SOX6: variants seen among roughly 807,000 people sequenced by gnomAD.
SOX6 encodes transcription factor SOX-6.
A neutral mutation model predicts 97.8 loss-of-function variants in SOX6; 11 were observed. The ratio of observed to expected loss-of-function variants is 0.11; its 90% CI spans 0.07 to 0.19. The LOEUF (loss-of-function observed/expected upper bound fraction) is 0.19, where lower values mean the gene tolerates loss of function less well. Among genes scored for constraint, SOX6 ranks in the 10% least tolerant of loss-of-function variants. The pLI is 1.00. For missense variants in SOX6, 810 were observed against 1,039.5 expected, an observed-to-expected ratio of 0.78 and a Z score of 3.04; for synonymous variants, 360 against 371.4, an observed-to-expected ratio of 0.97 and a Z score of 0.35.
chr11:16,234,357 A>G (rs546312455), intron 4 of SOX6, among the ~76,000 whole-genome samples: 1 of 152,304 alleles, frequency 6.6e-6, no homozygotes, highest in South Asian at 2.1e-4. Flanking sequence ...AGCATATCCT[A>G]TAAGTTATAT....
intron 1 of SOX6, among the ~76,000 whole-genome samples, chr11:16,344,789 T>TA (rs1856733058): frequency 1.3e-5 from 2 of 151,910 alleles, no homozygotes; most frequent in African/African-American, 4.8e-5. Flanking sequence ...TATTATAACT[T>TA]AAAAATCATT....
chr11:16,337,394 T>C (rs1441468112), intron 2 of SOX6, among the ~76,000 whole-genome samples: 1 of 152,122 alleles, frequency 6.6e-6, no homozygotes, highest in Non-Finnish European at 1.5e-5. Context: ...CACAATATCA[T>C]ATACAGGTCA....
intron 1 of SOX6, among the ~76,000 whole-genome samples, chr11:16,381,960 A>G (rs1857835546): frequency 6.6e-6 from 1 of 151,950 alleles, no homozygotes; most frequent in Non-Finnish European, 1.5e-5. Context: ...CACACATACA[A>G]TAGATGTTCT....
intron 12 of SOX6, among the ~76,000 whole-genome samples, chr11:16,040,269 T>C (rs1409122453): frequency 6.6e-6 from 1 of 152,058 alleles, no homozygotes; most frequent in Non-Finnish European, 1.5e-5. Flanking sequence ...ATTTTTTTCC[T>C]GTTTAAAGTA....
chr11:16,010,430 GC>G (rs1390339338), intron 13 of SOX6, among the ~76,000 whole-genome samples: 23 of 151,910 alleles, frequency 1.5e-4, no homozygotes, highest in African/African-American at 5.6e-4. Flanking sequence ...TAAATGCTAG[GC>G]TTATCTTTCA....
intron 3 of SOX6, among the ~76,000 whole-genome samples, chr11:16,708,494 TG>T (rs1848153618): frequency 6.6e-6 from 1 of 152,246 alleles, no homozygotes; most frequent in South Asian, 2.1e-4. Flanking sequence ...CTACATTTTT[TG>T]TAATGAGATT....
At chr11:16,068,423 T>A (rs1848144564) in intron 9 of SOX6, among the ~76,000 whole-genome samples, 1 of 152,190 alleles carries the variant, frequency 6.6e-6, no homozygotes, top group Non-Finnish European at 1.5e-5. Flanking sequence ...GAGCTTCAAA[T>A]AATTATTTGA....
intron 13 of SOX6, among the ~76,000 whole-genome samples, chr11:16,004,455 A>C (rs1854494250): frequency 2.6e-5 from 4 of 152,024 alleles, no homozygotes; most frequent in Admixed American, 2.6e-4. Context: ...TCTGTATTTC[A>C]TTAGAATGGA....
At chr11:16,577,510 C>G (rs1050947988) in intron 4 of SOX6, among the ~76,000 whole-genome samples, 2 of 152,150 alleles carry the variant, frequency 1.3e-5, no homozygotes, top group Non-Finnish European at 2.9e-5. Context: ...TCTAAAGTGG[C>G]TGCACCATTT....
intron 3 of SOX6, among the ~76,000 whole-genome samples, chr11:16,258,165 T>C (rs984676104): frequency 6.6e-6 from 1 of 151,960 alleles, no homozygotes; most frequent in African/African-American, 2.4e-5. Flanking sequence ...CAGTTTCTTA[T>C]AAAACTAACA....
chr11:16,326,590 C>T (rs1267402825), intron 2 of SOX6, among the ~76,000 whole-genome samples: 1 of 151,984 alleles, frequency 6.6e-6, no homozygotes, highest in South Asian at 2.1e-4. Flanking sequence ...TTTTTGTTTC[C>T]ATCCATTTCC....
At chr11:16,020,478 T>G (rs1855021631) in intron 12 of SOX6, among the ~76,000 whole-genome samples, 1 of 152,020 alleles carries the variant, frequency 6.6e-6, no homozygotes, top group Non-Finnish European at 1.5e-5. Flanking sequence ...CTCTACATGG[T>G]TTTCAAGATC....
intron 4 of SOX6, among the ~76,000 whole-genome samples, chr11:16,535,012 G>A (rs1029077296): frequency 6.6e-6 from 1 of 152,116 alleles, no homozygotes; most frequent in African/African-American, 2.4e-5. Context: ...TAAGCCACAA[G>A]CAGAGATATG....
intron 12 of SOX6, chr11:16,023,276 C>G (rs1229534661): frequency 1.3e-5 from 2 of 152,022 alleles, no homozygotes; most frequent in Non-Finnish European, 2.9e-5. Flanking sequence ...TCCAGTTCTC[C>G]TCAACTTGCT....
intron 4 of SOX6, among the ~76,000 whole-genome samples, chr11:16,572,430 T>G (rs1464582810): frequency 6.6e-6 from 1 of 152,228 alleles, no homozygotes; most frequent in African/African-American, 2.4e-5. Context: ...CTTAATTTAT[T>G]TTTTAAACAG....
At chr11:16,341,518 A>G (rs1238962577) in intron 1 of SOX6, among the ~76,000 whole-genome samples, 1 of 152,040 alleles carries the variant, frequency 6.6e-6, no homozygotes, top group African/African-American at 2.4e-5. Context: ...GTAAGTTTTC[A>G]TAATGGACAG....
intron 9 of SOX6, among the ~76,000 whole-genome samples, chr11:16,066,983 C>G (rs1351920540): frequency 4.6e-5 from 7 of 152,134 alleles, no homozygotes; most frequent in Non-Finnish European, 1.0e-4. Context: ...TGCATAGGGC[C>G]TGTAGCCCCT....
intron 4 of SOX6, among the ~76,000 whole-genome samples, chr11:16,600,561 G>T (rs976596324): frequency 3.3e-5 from 5 of 152,102 alleles, no homozygotes; most frequent in African/African-American, 1.2e-4. Flanking sequence ...AGATTTAAAT[G>T]ATATTCCATT....
intron 6 of SOX6, among the ~76,000 whole-genome samples, chr11:16,166,481 C>T (rs1420490627): frequency 6.6e-6 from 1 of 152,206 alleles, no homozygotes; most frequent in Non-Finnish European, 1.5e-5. Flanking sequence ...AAGATTTCAA[C>T]TATTCAATTC....
Sources: gnomAD v4.1 joint callset for allele counts (sites outside exome capture counted in the v4.1 genomes callset) on GRCh38, gnomAD v4.1.1 for gene constraint, MANE v1.5 for transcripts, NCBI Gene and HGNC (gene_info 2026-07-23, HGNC 2026-07-21) for gene names.